ITK: variants seen among roughly 807,000 people sequenced by gnomAD.
ITK encodes tyrosine-protein kinase ITK/TSK.
In ITK, 45 loss-of-function variants were observed where a neutral mutation model predicts 87.6. That is an observed-to-expected ratio of 0.51 (90% CI 0.40 to 0.66). The LOEUF (loss-of-function observed/expected upper bound fraction) is 0.66, where lower values mean the gene tolerates loss of function less well. ITK is among the 30% of genes least tolerant of loss of function. The pLI is 0.00. For synonymous variants in ITK, 303 were observed against 273.6 expected (o/e 1.11, Z -1.06); for missense variants, 605 against 766.3 (o/e 0.79, Z 2.48).
chr5:157,201,740 A>C (rs1402601441), intron 1 of ITK, among the ~76,000 whole-genome samples: 1 of 120,332 alleles, frequency 8.3e-6, no homozygotes, highest in African/African-American at 3.1e-5. Context: ...TTTCCACAAA[A>C]AAAAAAAAAA....
chr5:157,213,108 G>A (rs1435583521), intron 3 of ITK, among the ~76,000 whole-genome samples: 2 of 152,158 alleles, frequency 1.3e-5, no homozygotes, highest in South Asian at 2.1e-4. Context: ...TCACAGTTCT[G>A]TATGGCTGGG....
chr5:157,216,360 G>T (rs1302533121), intron 4 of ITK, among the ~76,000 whole-genome samples: 1 of 152,170 alleles, frequency 6.6e-6, no homozygotes, highest in Non-Finnish European at 1.5e-5. Context: ...AATGATAATA[G>T]ATAGCTATGT....
chr5:157,253,843 A>T lies in ITK; in HGVS notation c.*1165A>T, dbSNP rs1378895949. 1 of 222,664 alleles carries T rather than the reference A, an allele frequency of 4.5e-6. No individual in the cohort carries two copies. Among genetic ancestry groups the T allele is most frequent in the East Asian group, 6.6e-5 (1 of 15,264 alleles). The allele number at this position is 222,664 out of a possible 1,614,324, so 13.8% of individuals were successfully genotyped here. On this transcript the variant is annotated 3_prime_UTR_variant, in exon 17 of 17. Coordinates refer to ENST00000422843, the MANE Select transcript of ITK (RefSeq NM_005546.4). Reference sequence around the variant, plus strand: ...ACTGACTGGGGTGCTTCCAAGAGGCATGAGAGTGCCTACTCTGGCTTGAGC... The same window carrying T: ...ACTGACTGGGGTGCTTCCAAGAGGCTTGAGAGTGCCTACTCTGGCTTGAGC...
At chr5:157,247,409 C>A (rs767119804) in intron 15 of ITK, among the ~76,000 whole-genome samples, 1 of 152,170 alleles carries the variant, frequency 6.6e-6, no homozygotes, top group Non-Finnish European at 1.5e-5. Flanking sequence ...GGCTGATGTG[C>A]AGTCATCTCA....
chr5:157,244,190 G>T, intron 12 of ITK, 72 bp from the exon 13 acceptor site: 1 of 1,163,706 alleles, frequency 8.6e-7, no homozygotes, highest in Non-Finnish European at 1.3e-6. Flanking sequence ...TGGCTATTTT[G>T]GTACCATAAT....
At chr5:157,209,994 C>T (rs765002682) in intron 2 of ITK, among the ~76,000 whole-genome samples, 56 of 151,716 alleles carry the variant, frequency 3.7e-4, no homozygotes, top group Non-Finnish European at 6.8e-4. Context: ...GGCGCAATCC[C>T]GGCTCACTGC....
intron 7 of ITK, among the ~76,000 whole-genome samples, chr5:157,231,592 C>T (rs1195938470): frequency 6.6e-6 from 1 of 152,138 alleles, no homozygotes; most frequent in Non-Finnish European, 1.5e-5. Context: ...AACTTCTCTC[C>T]TCCTGCATTT....
rs1561665394 is a variant in ITK, at chr5:157,246,016, G to T, written c.1633+17G>T. On this transcript the variant is annotated intron_variant, in intron 15 of 16. Transcript: ENST00000422843. ...GGTCATTTGGTGAGTGTCATGCTGG[G>T]CCCCACTGCCCCATGATCTGGGCTT... 2 of 1,516,142 alleles carry T rather than the reference G, an allele frequency of 1.3e-6. No homozygotes were observed. Among genetic ancestry groups the T allele is most frequent in the African/African-American group, 1.4e-5 (1 of 73,006 alleles). The allele number at this position is 1,516,142 out of a possible 1,614,324, so 93.9% of individuals were successfully genotyped here. A position where few individuals can be genotyped will look rare whatever the true frequency, so the allele number is the denominator to read the frequency against.
chr5:157,214,173 G>T lies in ITK; in HGVS notation c.326-18G>T. On this transcript the variant is annotated intron_variant, in intron 3 of 16. Coordinates refer to ENST00000422843, the MANE Select transcript of ITK (RefSeq NM_005546.4). ...CTGACCTGGAAATAACTCTTCTGTT[G>T]GTGCCAACCTGTTTCAGAAACGAGG... 6.2e-7 allele frequency: 1 copy of T among 1,608,662 alleles called. No homozygotes were observed. Among genetic ancestry groups the T allele is most frequent in the Non-Finnish European group, 8.5e-7 (1 of 1,175,070 alleles).
intron 6 of ITK, among the ~76,000 whole-genome samples, chr5:157,224,776 A>G (rs1290652234): frequency 6.6e-6 from 1 of 152,136 alleles, no homozygotes; most frequent in African/African-American, 2.4e-5. Context: ...ATGAGAATCC[A>G]TCTCAAAAAT....
intron 4 of ITK, 34 bp from the exon 5 acceptor site, chr5:157,217,833 C>G: frequency 1.9e-6 from 3 of 1,607,734 alleles, no homozygotes; most frequent in Non-Finnish European, 2.6e-6. Context: ...AGTTTTCATG[C>G]TCATTTTTTC....
At chr5:157,194,507 G>A (rs1753814395) in intron 1 of ITK, among the ~76,000 whole-genome samples, 1 of 152,214 alleles carries the variant, frequency 6.6e-6, no homozygotes, top group African/African-American at 2.4e-5. Flanking sequence ...AGTACCAGGA[G>A]GAAAGTATTA....
At chr5:157,233,626 A>G (rs1754702810) in intron 8 of ITK, among the ~76,000 whole-genome samples, 1 of 152,176 alleles carries the variant, frequency 6.6e-6, no homozygotes, top group African/African-American at 2.4e-5. Context: ...TTACAATGCA[A>G]ATGTAGCCAA....
At chr5:157,216,325 AT>A in intron 4 of ITK, among the ~76,000 whole-genome samples, 1 of 152,124 alleles carries the variant, frequency 6.6e-6, no homozygotes, top group Non-Finnish European at 1.5e-5. Context: ...CTCTAAGAGC[AT>A]TTTCTCACCT....
rs1183305309 is a variant in ITK at position 157,211,192 on chromosome 5, A to G, written c.244-95A>G. 19 of 994,282 alleles carry G rather than the reference A, an allele frequency of 1.9e-5. 1 individual carries two copies. The highest frequency in any genetic ancestry group is 1.9e-5 in the Non-Finnish European group (12 of 619,006). 61.6% of individuals were successfully genotyped at this position (994,282 alleles called of 1,614,324 possible). ...CAAATGTTTGCCTATATGACGATAA[A>G]CACCCGAGACCCCACTCTCGGCTCA... On this transcript the variant is annotated intron_variant, in intron 2 of 16. Transcript: ENST00000422843.
At chr5:157,237,831 A>G (rs1210084226) in intron 8 of ITK, among the ~76,000 whole-genome samples, 1 of 152,238 alleles carries the variant, frequency 6.6e-6, no homozygotes, top group Admixed American at 6.5e-5. Context: ...ATCTGTAAAG[A>G]GTCTGATACA....
chr5:157,249,580 C>T (rs1205156317), intron 16 of ITK, among the ~76,000 whole-genome samples: 2 of 152,168 alleles, frequency 1.3e-5, no homozygotes, highest in Non-Finnish European at 2.9e-5. Flanking sequence ...ACATTTCAGC[C>T]AAAGTGGAAA....
At chr5:157,210,417 G>A (rs1377739214) in intron 2 of ITK, among the ~76,000 whole-genome samples, 1 of 151,996 alleles carries the variant, frequency 6.6e-6, no homozygotes, top group Non-Finnish European at 1.5e-5. Flanking sequence ...AAAAGGAATA[G>A]CATGTATTTT....
intron 9 of ITK, among the ~76,000 whole-genome samples, chr5:157,239,258 G>A (rs376022440): frequency 1.3e-5 from 2 of 152,182 alleles, no homozygotes; most frequent in Admixed American, 6.5e-5. Context: ...AATCAGCAAC[G>A]GGAAAAGACA....
Sources: gnomAD v4.1 joint callset for allele counts (sites outside exome capture counted in the v4.1 genomes callset) on GRCh38, gnomAD v4.1.1 for gene constraint, MANE v1.5 for transcripts, NCBI Gene and HGNC (gene_info 2026-07-23, HGNC 2026-07-21) for gene names.